The following IL17RB variants were observed in gnomAD, a reference collection of about 807,000 sequenced individuals.
The protein encoded by IL17RB is interleukin-17 receptor B.
In IL17RB, 36 loss-of-function variants were observed where a neutral mutation model predicts 43.9. The ratio of observed to expected loss-of-function variants is 0.82; its 90% CI spans 0.63 to 1.08. IL17RB has a LOEUF of 1.08. IL17RB is among the 50% of genes least tolerant of loss of function. The probability of loss-of-function intolerance (pLI) is 0.00; values close to 1 mark genes in which losing one functional copy is unlikely to be tolerated. For missense variants in IL17RB, 613 were observed against 613.6 expected (o/e 1.00, Z 0.01); for synonymous variants, 225 against 225.4 (o/e 1.00, Z 0.02).
chr3:53,860,469 T>C (rs1421785228), intron 10 of IL17RB: 4 of 359,296 alleles, frequency 1.1e-5, no homozygotes, highest in African/African-American at 4.1e-5. Context: ...ATTTTTACCA[T>C]TGAGCCTTCT....
chr3:53,863,073 A>C (rs1134092), intron 10 of IL17RB, among the ~76,000 whole-genome samples: 85,403 of 152,022 alleles, frequency 0.56, 25,657 homozygotes, highest in East Asian at 0.95. Context: ...TAGTAAATAT[A>C]TTTTCTCATG....
At chr3:53,864,618 G>A (rs1024638426) in intron 10 of IL17RB, 128 bp from the exon 11 acceptor site, 4 of 710,904 alleles carry the variant, frequency 5.6e-6, no homozygotes, top group African/African-American at 5.3e-5. Context: ...TTTCCTTGCT[G>A]TCACTAACAA....
Position 53,864,801 on chromosome 3 carries a change from T to G in IL17RB, c.1002T>G (p.Val334=). 1 of 1,614,092 alleles carries G rather than the reference T, an allele frequency of 6.2e-7. No homozygotes were observed. The highest frequency in any genetic ancestry group is 8.5e-7 in the Non-Finnish European group (1 of 1,180,010). The change falls in exon 11 of 11, where the codon GTT becomes GTG. Residue 334 remains valine, a synonymous_variant. Transcript: ENST00000288167. ...STTTLLPPIK[V]LVVYPSEICF... ...CCACACTACTGCCCCCCATTAAGGT[T>G]CTTGTGGTTTACCCATCTGAAATAT...
chr3:53,855,116 C>CA (rs746854673), intron 5 of IL17RB, among the ~76,000 whole-genome samples, 178 bp from the exon 6 acceptor site: 1,420 of 67,686 alleles, frequency 0.021, 8 homozygotes, highest in Non-Finnish European at 0.031. Context: ...GACTCCGGCT[C>CA]AAAAAAAAAA....
At chr3:53,862,626 A>G (rs930846755) in intron 10 of IL17RB, among the ~76,000 whole-genome samples, 3 of 152,206 alleles carry the variant, frequency 2.0e-5, no homozygotes, top group African/African-American at 7.2e-5. Flanking sequence ...AGAGAAGACA[A>G]CCTGCTGGAG....
At chr3:53,853,465 A>G (rs1363951774) in intron 5 of IL17RB, among the ~76,000 whole-genome samples, 2 of 152,248 alleles carry the variant, frequency 1.3e-5, no homozygotes, top group African/African-American at 2.4e-5. Context: ...AGTGGGCTGC[A>G]TATGGCTGGG....
chr3:53,853,020 T>C, intron 5 of IL17RB, 23 bp downstream of exon 5: 3 of 1,613,736 alleles, frequency 1.9e-6, no homozygotes, highest in Non-Finnish European at 2.5e-6. Context: ...ATTTGTTTAT[T>C]ATTCTTTGTC....
At chr3:53,862,878 TATG>T (rs1416568284) in intron 10 of IL17RB, among the ~76,000 whole-genome samples, 1 of 152,084 alleles carries the variant, frequency 6.6e-6, no homozygotes, top group African/African-American at 2.4e-5. Context: ...AGCCAGAAAT[TATG>T]ATGTCTTTCT....
chr3:53,855,006 A>G (rs1238284116), intron 5 of IL17RB, among the ~76,000 whole-genome samples: 1 of 151,300 alleles, frequency 6.6e-6, no homozygotes, highest in Non-Finnish European at 1.5e-5. Context: ...AGTCCCAGCT[A>G]CTCAGGAGCC....
At chr3:53,862,639 G>A (rs895854262) in intron 10 of IL17RB, among the ~76,000 whole-genome samples, 1 of 152,214 alleles carries the variant, frequency 6.6e-6, no homozygotes, top group African/African-American at 2.4e-5. Context: ...TGCTGGAGAC[G>A]AGTGCTTCCC....
chr3:53,858,874 C>G (rs1446553586), intron 9 of IL17RB, 56 bp downstream of exon 9: 1 of 1,338,166 alleles, frequency 7.5e-7, no homozygotes, highest in Non-Finnish European at 1.1e-6. Flanking sequence ...ACAGTCACTG[C>G]CCCCCACTCA....
intron 10 of IL17RB, among the ~76,000 whole-genome samples, chr3:53,862,812 T>A (rs1231892692): frequency 6.6e-6 from 1 of 152,188 alleles, no homozygotes; most frequent in Non-Finnish European, 1.5e-5. Flanking sequence ...AAGCAAGTGG[T>A]GGAGGAAGGA....
rs761199589 is a variant in IL17RB at position 53,848,617 on chromosome 3, G to A, written c.61-47G>A. 3.1e-6 allele frequency: 5 copies of A among 1,590,582 alleles called. No homozygotes were observed. In the South Asian group the frequency reaches 5.6e-5, roughly 18 times the overall value. On this transcript the variant is annotated intron_variant, in intron 1 of 10. Transcript: ENST00000288167. ...TGCCTAATTTGGCAAAGGAAAGCTT[G>A]TGGTTTGCCGGCTTCAACGTGACGC... is the stretch of plus-strand genomic sequence containing the variant.
At chr3:53,858,418 GA>G (rs1281591491) in intron 8 of IL17RB, 2 of 1,140,174 alleles carry the variant, frequency 1.8e-6, no homozygotes, top group East Asian at 5.3e-5. Flanking sequence ...TTTTCTAGAG[GA>G]AATGTTTGTC....
At chr3:53,857,109 A>C in intron 7 of IL17RB, 123 bp downstream of exon 7, 2 of 1,013,624 alleles carry the variant, frequency 2.0e-6, no homozygotes, top group Non-Finnish European at 3.0e-6. Flanking sequence ...GATAAAAACA[A>C]GTCCCTGTGG....
intron 5 of IL17RB, 67 bp from the exon 6 acceptor site, chr3:53,855,227 C>G (rs974002370): frequency 4.7e-6 from 5 of 1,062,080 alleles, no homozygotes; most frequent in Non-Finnish European, 7.2e-6. Flanking sequence ...TGTGTGTGCA[C>G]TTGGCAAAGG....
At chr3:53,853,530 C>T (rs1351847786) in intron 5 of IL17RB, among the ~76,000 whole-genome samples, 1 of 152,244 alleles carries the variant, frequency 6.6e-6, no homozygotes, top group African/African-American at 2.4e-5. Flanking sequence ...CCATGAGAGG[C>T]AGGGTGGTCC....
Position 53,865,510 on chromosome 3 carries a change from C to CTGTT in IL17RB, c.*204_*207dup, listed in dbSNP as rs1699755512. The CTGTT allele has an allele frequency of 1.9e-6, 1 of 526,222 alleles. No individual in the cohort carries two copies. The highest frequency in any genetic ancestry group is 3.5e-5 in the Admixed American group (1 of 28,300). The allele number at this position is 526,222 out of a possible 1,614,324, so 32.6% of individuals were successfully genotyped here. A position where few individuals can be genotyped will look rare whatever the true frequency, so the allele number is the denominator to read the frequency against. Reference sequence around the variant, plus strand: ...GGAAACTACATTTACAACTTCAAAGCTGTTTTATACATAGAAATCAATTAC... The same window carrying CTGTT: ...GGAAACTACATTTACAACTTCAAAGCTGTTTGTTTTATACATAGAAATCAATTAC... On this transcript the variant is annotated 3_prime_UTR_variant, in exon 11 of 11. Transcript: ENST00000288167.
chr3:53,850,456 C>A (rs1349469180), intron 3 of IL17RB, among the ~76,000 whole-genome samples: 1 of 148,458 alleles, frequency 6.7e-6, no homozygotes, highest in Non-Finnish European at 1.5e-5. Flanking sequence ...GTGATCGCAC[C>A]ACTGCACTCC....
Sources: gnomAD v4.1 joint callset for allele counts (sites outside exome capture counted in the v4.1 genomes callset) on GRCh38, gnomAD v4.1.1 for gene constraint, MANE v1.5 for transcripts, NCBI Gene and HGNC (gene_info 2026-07-23, HGNC 2026-07-21) for gene names.